HECTD4: variants seen among roughly 807,000 people sequenced by gnomAD.
HECTD4 encodes probable E3 ubiquitin-protein ligase HECTD4.
Under a neutral mutation model 471.5 loss-of-function variants are expected in HECTD4, and 114 were observed. The observed-to-expected ratio is 0.24, with a 90% CI of 0.21 to 0.28. HECTD4 has a LOEUF of 0.28. HECTD4 is among the 10% of genes least tolerant of loss of function. The probability of loss-of-function intolerance (pLI) is 1.00; values close to 1 mark genes in which losing one functional copy is unlikely to be tolerated. For synonymous variants in HECTD4, 2,012 were observed against 2,256.0 expected, an observed-to-expected ratio of 0.89 and a Z score of 3.07; for missense variants, 3,866 against 5,651.5, an observed-to-expected ratio of 0.68 and a Z score of 10.13.
rs1001380115 is a variant in HECTD4, at chr12:112,231,450, A to G, written c.6200+63T>C. 7.9e-6 allele frequency: 12 copies of G among 1,509,488 alleles called. No homozygotes were observed. In the African/African-American group the frequency reaches 1.4e-4, roughly 17 times the overall value. The allele number at this position is 1,509,488 out of a possible 1,614,324, so 93.5% of individuals were successfully genotyped here. ...ATGGTAGAAAATTAAAAAGCTAAAA[A>G]CAAACCCATTATAAAGTAAACCTGA... On this transcript the variant is annotated intron_variant, in intron 39 of 75. Coordinates refer to ENST00000682272, the MANE Select transcript of HECTD4 (RefSeq NM_001388303.1).
At chr12:112,211,869 G>A (rs1476083716) in intron 49 of HECTD4, among the ~76,000 whole-genome samples, 3 of 152,188 alleles carry the variant, frequency 2.0e-5, no homozygotes, top group African/African-American at 4.8e-5. Context: ...TCTTGGTCAC[G>A]TTAACCTTGA....
In HECTD4 at chr12:112,344,548, T is replaced by C. The variant is rs537041720; in HGVS notation, c.178-24806A>G. Among the ~76,000 whole-genome samples the C allele has an allele frequency of 3.3e-5, 5 of 152,296 alleles. No homozygotes were observed. The South Asian group carries it at 8.3e-4, about 25-fold the overall frequency. On this transcript the variant is annotated intron_variant, in intron 1 of 75. Coordinates refer to ENST00000682272, the MANE Select transcript of HECTD4 (RefSeq NM_001388303.1). ...ACATAAGTATGAATACAGAAGAGGA[T>C]AGACTGGGGGGAAGATGGCAGTAGG...
At position 112,216,753 on chromosome 12, in the gene HECTD4, G is replaced by A. The variant is rs986743612; in HGVS notation, c.7385+20C>T. On this transcript the variant is annotated intron_variant, in intron 47 of 75. Coordinates refer to ENST00000682272, the MANE Select transcript of HECTD4 (RefSeq NM_001388303.1). ...GGAGGCTACTGCTCTCTGTCACACT[G>A]AGCTACTTCTTTTACTTACTTATGG... 3.7e-6 allele frequency: 6 copies of A among 1,610,986 alleles called. No individual in the cohort carries two copies. The highest frequency in any genetic ancestry group is 5.1e-6 in the Non-Finnish European group (6 of 1,177,550).
intron 66 of HECTD4, among the ~76,000 whole-genome samples, chr12:112,175,208 T>A (rs1411253921): frequency 6.6e-6 from 1 of 152,196 alleles, no homozygotes; most frequent in Non-Finnish European, 1.5e-5. Context: ...CCAGTGTGAC[T>A]ACATTTGGAG....
chr12:112,251,167 C>A lies in HECTD4; in HGVS notation c.3553-33G>T. On this transcript the variant is annotated intron_variant, in intron 23 of 75. Transcript: ENST00000682272. ...GCAGACAGGGGTAAACCACACTGGT[C>A]AGTGTACACTGGCAGAGGCTGCTAC... 3.7e-6 allele frequency: 6 copies of A among 1,605,184 alleles called. No homozygotes were observed. The South Asian group carries it at 6.7e-5, about 18-fold the overall frequency.
intron 1 of HECTD4, among the ~76,000 whole-genome samples, chr12:112,345,556 G>C (rs996755892): frequency 4.6e-5 from 7 of 152,104 alleles, no homozygotes; most frequent in Non-Finnish European, 8.8e-5. Flanking sequence ...AAATAATGAG[G>C]TTCGAGTAAT....
At chr12:112,167,938 A>G (rs759086075) in intron 70 of HECTD4, 21 bp from the exon 71 acceptor site, 1 of 1,592,028 alleles carries the variant, frequency 6.3e-7, no homozygotes, top group Non-Finnish European at 8.6e-7. Flanking sequence ...GACGAGACAC[A>G]TGGGCACCTG....
chr12:112,188,069 C>T lies in HECTD4; in HGVS notation c.9473-2576G>A, dbSNP rs768961434. Reference sequence around the variant, plus strand: ...TGGGAGGCCAAGGCAGGTGGGTCACCTGAGGTCAGGAGACTGAGACCAGCC... The same window carrying T: ...TGGGAGGCCAAGGCAGGTGGGTCACTTGAGGTCAGGAGACTGAGACCAGCC... On this transcript the variant is annotated intron_variant, in intron 60 of 75. Transcript: ENST00000682272. This position sits in a 1 kb window ranked among gnomAD's most constrained non-coding sequence, Gnocchi z 4.2. Among the ~76,000 whole-genome samples, 49 of 152,020 alleles carry T rather than the reference C, an allele frequency of 3.2e-4. No individual in the cohort carries two copies. Among genetic ancestry groups the T allele is most frequent in the Non-Finnish European group, 6.3e-4 (43 of 67,992 alleles).
At chr12:112,345,708 A>T (rs1167201682) in intron 1 of HECTD4, among the ~76,000 whole-genome samples, 1 of 152,154 alleles carries the variant, frequency 6.6e-6, no homozygotes, top group Non-Finnish European at 1.5e-5. Context: ...ATCCTGGCTA[A>T]CACAGTGAAA....
chr12:112,270,957 T>G (rs1161769696), intron 11 of HECTD4, among the ~76,000 whole-genome samples: 1 of 152,156 alleles, frequency 6.6e-6, no homozygotes, highest in Non-Finnish European at 1.5e-5. Context: ...TGTTTTGACA[T>G]GTTAAGCTGA....
intron 1 of HECTD4, among the ~76,000 whole-genome samples, chr12:112,326,673 G>A (rs2035752238): frequency 6.6e-6 from 1 of 152,116 alleles, no homozygotes; most frequent in Non-Finnish European, 1.5e-5. Context: ...TAGGCATATA[G>A]ACGCTTTTGA....
intron 23 of HECTD4, among the ~76,000 whole-genome samples, chr12:112,251,875 G>T (rs1488772061): frequency 6.6e-6 from 1 of 152,094 alleles, no homozygotes; most frequent in African/African-American, 2.4e-5. Context: ...TGGTTCAAGC[G>T]ATTCTCCTCC....
intron 69 of HECTD4, 174 bp downstream of exon 69, chr12:112,170,139 TCCTTCTGCTATGCCCCTTCC>T: frequency 1.4e-6 from 1 of 734,122 alleles, no homozygotes. Context: ...GGAGCCAAGC[TCCTTCTGCTATGCCCCTTCC>T]CTGAGCTCCT....
Position 112,229,771 on chromosome 12 carries a change from G to C in HECTD4, c.6446C>G (p.Ala2149Gly). Residue 2149 changes from alanine to glycine, a missense_variant, in exon 41 of 76, where the codon GCA (alanine) becomes GGA (glycine). Ala to Gly is a moderately conservative substitution (Grantham distance 60). Around this residue, in one of 16 missense-constraint regions of HECTD4, gnomAD observed 617 missense variants for 915.1 expected, o/e 0.67. Transcript: ENST00000682272. ...ACACAGTGCGGCAACGGCCTGGCGT[G>C]CAATTCTCTGAAGTTTGGCAAGTTT... ...GRKLAKLQRI[A>G]RQAVAALCAL... 1 of 1,614,036 alleles carries C rather than the reference G, an allele frequency of 6.2e-7. No homozygotes were observed. The highest frequency in any genetic ancestry group is 8.5e-7 in the Non-Finnish European group (1 of 1,179,896).
chr12:112,211,876 T>C (rs1053200692), intron 49 of HECTD4, among the ~76,000 whole-genome samples: 2 of 152,162 alleles, frequency 1.3e-5, no homozygotes, highest in African/African-American at 4.8e-5. Flanking sequence ...CACGTTAACC[T>C]TGACATGCCA....
chr12:112,281,981 T>C (rs2034651829), intron 8 of HECTD4, among the ~76,000 whole-genome samples: 1 of 152,178 alleles, frequency 6.6e-6, no homozygotes, highest in Admixed American at 6.5e-5. Context: ...TCTGAAAATC[T>C]AATGAAAGTT....
At chr12:112,371,150 G>A (rs544072368) in intron 1 of HECTD4, among the ~76,000 whole-genome samples, 6 of 152,316 alleles carry the variant, frequency 3.9e-5, no homozygotes, top group Non-Finnish European at 8.8e-5. Context: ...AGTAAAGATG[G>A]AAGCCAAGAA....
chr12:112,310,402 C>G (rs1166246950), intron 4 of HECTD4, among the ~76,000 whole-genome samples: 1 of 152,198 alleles, frequency 6.6e-6, no homozygotes, highest in African/African-American at 2.4e-5. Context: ...CCCCTTAGCT[C>G]TGTCTTCCTC....
In HECTD4 at chr12:112,228,267, G is replaced by A. The variant is rs765878276; in HGVS notation, c.6685-9C>T. ...TTATGAAGAGGCAATGCCTGATGGCGGTGGGGGGGCATGGCAAAAAGTTAA... is the reference window on the plus strand; with the variant it reads ...TTATGAAGAGGCAATGCCTGATGGCAGTGGGGGGGCATGGCAAAAAGTTAA... On this transcript the variant is annotated splice_polypyrimidine_tract_variant and intron_variant, in intron 42 of 75. Transcript: ENST00000682272. The surrounding 1 kb of genome is among the most constrained non-coding windows in gnomAD (Gnocchi z 4.9). 31 of 1,561,728 alleles carry A rather than the reference G, an allele frequency of 2.0e-5. No individual in the cohort carries two copies. The highest frequency in any genetic ancestry group is 1.7e-4 in the Middle Eastern group (1 of 5,898).
Sources: gnomAD v4.1 joint callset for allele counts (sites outside exome capture counted in the v4.1 genomes callset) on GRCh38, gnomAD v4.1.1 for gene constraint, gnomAD v4.1.1 regional missense constraint, Gnocchi (gnomAD v3.1) non-coding constraint, MANE v1.5 for transcripts, NCBI Gene and HGNC (gene_info 2026-07-23, HGNC 2026-07-21) for gene names.